EDIL3: variants seen among roughly 807,000 people sequenced by gnomAD.
EDIL3 encodes the protein EGF like and discoidin domains 3, also known as EGF-like repeat and discoidin I-like domain-containing protein 3.
A neutral mutation model predicts 67.4 loss-of-function variants in EDIL3; 37 were observed. The observed-to-expected ratio is 0.55, with a 90% CI of 0.42 to 0.72. The LOEUF (loss-of-function observed/expected upper bound fraction) is 0.72, where lower values mean the gene tolerates loss of function less well. Among genes scored for constraint, EDIL3 ranks in the 30% least tolerant of loss-of-function variants. The pLI is 0.00. For synonymous variants in EDIL3, 195 were observed against 196.3 expected, an observed-to-expected ratio of 0.99 and a Z score of 0.05; for missense variants, 527 against 586.3, an observed-to-expected ratio of 0.90 and a Z score of 1.04.
chr5:84,031,635 G>A (rs1452274133), intron 9 of EDIL3, among the ~76,000 whole-genome samples: 1 of 152,196 alleles, frequency 6.6e-6, no homozygotes, highest in Non-Finnish European at 1.5e-5. Flanking sequence ...ACATCAAGAA[G>A]ATGGTCATCT....
chr5:84,137,621 G>A (rs991456171), intron 4 of EDIL3, among the ~76,000 whole-genome samples: 2 of 152,160 alleles, frequency 1.3e-5, no homozygotes, highest in East Asian at 3.9e-4. Context: ...AAATAAATAT[G>A]AGTAGTCTGG....
chr5:84,275,885 T>C (rs538579267), intron 1 of EDIL3, among the ~76,000 whole-genome samples: 1 of 152,362 alleles, frequency 6.6e-6, no homozygotes, highest in African/African-American at 2.4e-5. Context: ...ATCAACATTT[T>C]TCTTGTCACA....
At chr5:84,322,781 G>T (rs916527063) in intron 1 of EDIL3, among the ~76,000 whole-genome samples, 1 of 151,920 alleles carries the variant, frequency 6.6e-6, no homozygotes, top group Non-Finnish European at 1.5e-5. Flanking sequence ...ATAAAACTTT[G>T]AAAAGAAAAA....
intron 5 of EDIL3, among the ~76,000 whole-genome samples, chr5:84,126,767 C>A (rs143191287): frequency 2.0e-5 from 3 of 152,026 alleles, no homozygotes; most frequent in Non-Finnish European, 4.4e-5. Context: ...CTATCCTTTG[C>A]GATCCTTACC....
At chr5:84,272,471 G>A (rs1035243416) in intron 1 of EDIL3, among the ~76,000 whole-genome samples, 24 of 151,972 alleles carry the variant, frequency 1.6e-4, no homozygotes, top group Non-Finnish European at 1.3e-4. Flanking sequence ...GCAATTTATT[G>A]AATATTTCCT....
At chr5:84,033,329 C>T (rs1745960661) in intron 9 of EDIL3, among the ~76,000 whole-genome samples, 1 of 152,172 alleles carries the variant, frequency 6.6e-6, no homozygotes, top group Admixed American at 6.5e-5. Context: ...AATTTATTTT[C>T]TTCATCTTTG....
chr5:84,242,793 T>A (rs377627109), intron 2 of EDIL3, among the ~76,000 whole-genome samples: 3 of 120,856 alleles, frequency 2.5e-5, no homozygotes, highest in Admixed American at 9.1e-5. Flanking sequence ...GACCCTATCT[T>A]AAAAAAAAAA....
chr5:83,952,008 C>T (rs1038982911), intron 10 of EDIL3, among the ~76,000 whole-genome samples: 8 of 151,704 alleles, frequency 5.3e-5, no homozygotes, highest in Non-Finnish European at 4.4e-5. Flanking sequence ...CGATGAGAGA[C>T]CAAAGGGACT....
intron 1 of EDIL3, among the ~76,000 whole-genome samples, chr5:84,284,795 C>T (rs985463635): frequency 1.3e-5 from 2 of 152,156 alleles, no homozygotes; most frequent in African/African-American, 2.4e-5. Flanking sequence ...CTGCAGCAAA[C>T]TGCTGGAAAG....
intron 1 of EDIL3, among the ~76,000 whole-genome samples, chr5:84,309,796 A>G (rs1475913885): frequency 6.6e-6 from 1 of 152,202 alleles, no homozygotes. Context: ...TAGTGCCGCA[A>G]TAAACACGTG....
intron 1 of EDIL3, among the ~76,000 whole-genome samples, chr5:84,273,172 C>A (rs1208675181): frequency 6.6e-6 from 1 of 152,162 alleles, no homozygotes; most frequent in Non-Finnish European, 1.5e-5. Flanking sequence ...AAGGAAATTT[C>A]TTTTCCAAAA....
At chr5:84,100,823 A>C (rs1367350792) in intron 6 of EDIL3, among the ~76,000 whole-genome samples, 1 of 152,142 alleles carries the variant, frequency 6.6e-6, no homozygotes, top group Non-Finnish European at 1.5e-5. Context: ...TTCAGTCTGA[A>C]AAATTCAGCT....
intron 4 of EDIL3, among the ~76,000 whole-genome samples, chr5:84,174,487 T>C (rs765853164): frequency 5.9e-5 from 9 of 152,208 alleles, no homozygotes; most frequent in Non-Finnish European, 8.8e-5. Context: ...CTATTTTCCA[T>C]TGCATTAATG....
intron 1 of EDIL3, among the ~76,000 whole-genome samples, chr5:84,373,114 T>C (rs1413115975): frequency 6.6e-6 from 1 of 152,092 alleles, no homozygotes; most frequent in Non-Finnish European, 1.5e-5. Context: ...CAGTTTTAAT[T>C]TCATGTCATC....
chr5:84,343,296 G>C (rs963611071), intron 1 of EDIL3, among the ~76,000 whole-genome samples: 1 of 151,696 alleles, frequency 6.6e-6, no homozygotes, highest in Admixed American at 6.6e-5. Flanking sequence ...AATACTCACT[G>C]AGTTCAGTAC....
At chr5:83,978,092 A>G (rs968275191) in intron 9 of EDIL3, among the ~76,000 whole-genome samples, 11 of 151,978 alleles carry the variant, frequency 7.2e-5, no homozygotes, top group African/African-American at 2.4e-4. Context: ...TGCTGTAAGC[A>G]TATGATATAA....
intron 4 of EDIL3, among the ~76,000 whole-genome samples, chr5:84,164,647 G>A (rs915468664): frequency 1.3e-5 from 2 of 151,988 alleles, no homozygotes; most frequent in African/African-American, 4.8e-5. Context: ...AGTGTTTAGT[G>A]TGCTCTTATC....
intron 1 of EDIL3, among the ~76,000 whole-genome samples, chr5:84,264,231 G>A (rs560210097): frequency 1.3e-5 from 2 of 152,180 alleles, no homozygotes; most frequent in African/African-American, 4.8e-5. Context: ...GGGCGGCAGA[G>A]CCAGACTATG....
intron 5 of EDIL3, among the ~76,000 whole-genome samples, chr5:84,126,745 A>C (rs905743021): frequency 3.9e-5 from 6 of 152,100 alleles, no homozygotes; most frequent in African/African-American, 1.4e-4. Flanking sequence ...ATCAAAGGAC[A>C]CTTCTGTCCA....
Sources: gnomAD v4.1 joint callset for allele counts (sites outside exome capture counted in the v4.1 genomes callset) on GRCh38, gnomAD v4.1.1 for gene constraint, MANE v1.5 for transcripts, NCBI Gene and HGNC (gene_info 2026-07-23, HGNC 2026-07-21) for gene names.